The following MTR variants were observed in gnomAD, a reference collection of about 807,000 sequenced individuals.
The protein encoded by MTR is methionine synthase.
Under a neutral mutation model 154.8 loss-of-function variants are expected in MTR, and 84 were observed. The ratio of observed to expected loss-of-function variants is 0.54; its 90% CI spans 0.45 to 0.65. The LOEUF (loss-of-function observed/expected upper bound fraction) is 0.65. Among genes scored for constraint, MTR ranks in the 30% least tolerant of loss-of-function variants. MTR has a pLI of 0.00. For synonymous variants in MTR, 554 were observed against 553.9 expected, an observed-to-expected ratio of 1.00 and a Z score of 0.00; for missense variants, 1,275 against 1,570.2, an observed-to-expected ratio of 0.81 and a Z score of 3.18.
intron 1 of MTR, chr1:236,800,461 T>A (rs1216889066): frequency 3.6e-5 from 35 of 985,342 alleles, no homozygotes; most frequent in Middle Eastern, 5.2e-4. Flanking sequence ...AAGAAAGCGA[T>A]TCAGCTGGGC....
rs753272953 is a variant in MTR at position 236,815,624 on chromosome 1, A to G, written c.630A>G (p.Gln210=). 1.9e-5 allele frequency: 31 copies of G among 1,613,856 alleles called. No homozygotes were observed. The South Asian group carries it at 2.7e-4, about 14-fold the overall frequency. The change falls in exon 7 of 33, where the codon CAA becomes CAG. Residue 210 remains glutamine (Q), a synonymous_variant. Coordinates refer to ENST00000366577, the MANE Select transcript of MTR (RefSeq NM_000254.3). Reference sequence around the variant, plus strand: ...GACAGGCAGCCTTGTTTGCACTCCAAAATCTTTTTGAGGAGAAATATGCTC... The same window carrying G: ...GACAGGCAGCCTTGTTTGCACTCCAGAATCTTTTTGAGGAGAAATATGCTC... ...ANAKAALFAL[Q]NLFEEKYAPR... is the part of the protein sequence containing the mutation.
chr1:236,877,381 C>T (rs1354344702), intron 24 of MTR, among the ~76,000 whole-genome samples: 1 of 152,184 alleles, frequency 6.6e-6, no homozygotes, highest in Non-Finnish European at 1.5e-5. Context: ...ACACTAATGG[C>T]ACCCTAGGAA....
chr1:236,834,609 A>AT (rs530281128), intron 13 of MTR, among the ~76,000 whole-genome samples: 14 of 147,636 alleles, frequency 9.5e-5, no homozygotes, highest in East Asian at 3.9e-4. Flanking sequence ...AAAAGTTTCT[A>AT]TTTTTTTTTT....
intron 18 of MTR, among the ~76,000 whole-genome samples, chr1:236,856,130 C>G (rs1664187608): frequency 6.6e-6 from 1 of 152,060 alleles, no homozygotes; most frequent in Admixed American, 6.5e-5. Flanking sequence ...TTTTTTGCTC[C>G]CTTCCCACCC....
intron 22 of MTR, among the ~76,000 whole-genome samples, chr1:236,871,398 A>G (rs1455545067): frequency 3.3e-5 from 5 of 152,212 alleles, no homozygotes; most frequent in Admixed American, 2.0e-4. Flanking sequence ...CATGGCAAGC[A>G]TCCACATAAG....
rs1489010792 is a variant in MTR, at chr1:236,902,581, A to T, written c.*4937A>T. 7.1e-6 allele frequency: 1 copy of T among 141,182 alleles called. No homozygotes were observed. Among genetic ancestry groups the T allele is most frequent in the African/African-American group, 2.5e-5 (1 of 40,610 alleles). The allele number at this position is 141,182 out of a possible 1,614,324, so 8.7% of individuals were successfully genotyped here. A position where few individuals can be genotyped will look rare whatever the true frequency, so the allele number is the denominator to read the frequency against. ...GCAGACTGTAAAGCCTCATGAGGGC[A>T]GGGGCCCTGCCTCTTCCTGAGCTCA... On this transcript the variant is annotated 3_prime_UTR_variant, in exon 33 of 33. Transcript: ENST00000366577.
chr1:236,882,385 T>G (rs1665785730), intron 25 of MTR, among the ~76,000 whole-genome samples: 1 of 122,076 alleles, frequency 8.2e-6, no homozygotes, highest in African/African-American at 3.5e-5. Context: ...GACAAACCCC[T>G]TCACCATTTT....
chr1:236,886,995 T>A (rs1190423065), intron 27 of MTR, among the ~76,000 whole-genome samples: 3 of 152,264 alleles, frequency 2.0e-5, no homozygotes, highest in Non-Finnish European at 2.9e-5. Flanking sequence ...TTCCTTTTTT[T>A]AAATTTCTAG....
intron 2 of MTR, among the ~76,000 whole-genome samples, chr1:236,805,349 C>T (rs1238504234): frequency 6.6e-6 from 1 of 150,518 alleles, no homozygotes; most frequent in African/African-American, 2.4e-5. Context: ...CAATTGTGGT[C>T]AGAGGTTGAG....
intron 18 of MTR, among the ~76,000 whole-genome samples, chr1:236,854,933 A>G (rs1175744697): frequency 6.6e-6 from 1 of 152,196 alleles, no homozygotes; most frequent in Non-Finnish European, 1.5e-5. Flanking sequence ...TCATAGAAGA[A>G]TTTCCTCATT....
At chr1:236,846,084 A>T (rs1034357263) in intron 15 of MTR, among the ~76,000 whole-genome samples, 19 of 152,248 alleles carry the variant, frequency 1.2e-4, no homozygotes, top group Admixed American at 1.2e-3. Context: ...TCAAGACCAG[A>T]TATGACAGGA....
intron 25 of MTR, among the ~76,000 whole-genome samples, chr1:236,881,483 T>G (rs536879380): frequency 6.6e-6 from 1 of 152,134 alleles, no homozygotes; most frequent in East Asian, 2.0e-4. Context: ...GTCTGTTAAG[T>G]GACGTCTTAC....
At chr1:236,895,573 T>G (rs991301667) in intron 31 of MTR, 23 bp downstream of exon 31, 2 of 1,552,960 alleles carry the variant, frequency 1.3e-6, no homozygotes, top group African/African-American at 1.4e-5. Flanking sequence ...AGGCTGCGGG[T>G]TCCTGTCTTC....
rs1572349424 is a variant in MTR, at chr1:236,895,405, C to G, written c.3453C>G (p.Ala1151=). The G allele has an allele frequency of 6.2e-7, 1 of 1,605,406 alleles. No individual in the cohort carries two copies. Among genetic ancestry groups the G allele is most frequent in the Middle Eastern group, 1.7e-4 (1 of 6,054 alleles). ...LHERVRRELW[A]YCGSEQLDVA... is the part of the protein sequence containing the mutation. ...AAAGAGTTCGCCGAGAACTGTGGGCCTACTGTGGCAGTGAGCAGCTGGACG... is the reference window on the plus strand; with the variant it reads ...AAAGAGTTCGCCGAGAACTGTGGGCGTACTGTGGCAGTGAGCAGCTGGACG... Residue 1151 remains alanine, a synonymous_variant, in exon 31 of 33, where the codon GCC becomes GCG. Transcript: ENST00000366577.
At chr1:236,897,312 A>ACGCG (rs1034067394) in intron 32 of MTR, among the ~76,000 whole-genome samples, 194 bp downstream of exon 32, 126 of 66,238 alleles carry the variant, frequency 1.9e-3, no homozygotes, top group African/African-American at 5.8e-3. Flanking sequence ...ACACACACGC[A>ACGCG]CACACACACA....
intron 15 of MTR, among the ~76,000 whole-genome samples, chr1:236,838,853 C>T (rs1418580225): frequency 6.6e-6 from 1 of 152,160 alleles, no homozygotes; most frequent in Admixed American, 6.6e-5. Context: ...AGTGTATTTA[C>T]ACCAACCTAG....
intron 28 of MTR, among the ~76,000 whole-genome samples, chr1:236,889,781 G>A (rs1399914386): frequency 6.6e-6 from 1 of 152,116 alleles, no homozygotes; most frequent in Non-Finnish European, 1.5e-5. Flanking sequence ...GCCGTGGCTG[G>A]GACTGTGGAT....
At chr1:236,799,825 T>C (rs1660610253) in intron 1 of MTR, among the ~76,000 whole-genome samples, 1 of 152,076 alleles carries the variant, frequency 6.6e-6, no homozygotes, top group Non-Finnish European at 1.5e-5. Context: ...TTGGTCTTTT[T>C]GAGTCTTAAG....
At chr1:236,816,661 A>T (rs933632138) in intron 8 of MTR, 118 bp downstream of exon 8, 2 of 854,094 alleles carry the variant, frequency 2.3e-6, no homozygotes, top group Non-Finnish European at 2.0e-6. Context: ...CACTTCTGCT[A>T]TATTGACTTT....
Sources: gnomAD v4.1 joint callset for allele counts (sites outside exome capture counted in the v4.1 genomes callset) on GRCh38, gnomAD v4.1.1 for gene constraint, MANE v1.5 for transcripts, NCBI Gene and HGNC (gene_info 2026-07-23, HGNC 2026-07-21) for gene names.